TRMT10B: variants seen among roughly 807,000 people sequenced by gnomAD.
The protein encoded by TRMT10B is tRNA methyltransferase 10B.
TRMT10B carries 33 observed loss-of-function variants against 43.8 expected under a neutral mutation model. The observed-to-expected ratio is 0.75, with a 90% CI of 0.57 to 1.01. TRMT10B has a LOEUF of 1.01. Among genes scored for constraint, TRMT10B ranks in the 50% least tolerant of loss-of-function variants. The probability of loss-of-function intolerance (pLI) is 0.00; values close to 1 mark genes in which losing one functional copy is unlikely to be tolerated. For missense variants in TRMT10B, 362 were observed against 369.8 expected (o/e 0.98, Z 0.17); for synonymous variants, 137 against 130.6 (o/e 1.05, Z -0.34).
At chr9:37,753,784 G>A (rs963562725), upstream of TRMT10B, 2 of 152,330 alleles carry the variant, frequency 1.3e-5, no homozygotes, top group African/African-American at 4.8e-5. Flanking sequence ...GTTACGAAGC[G>A]GAAGCGAGGC....
intron 1 of TRMT10B, among the ~76,000 whole-genome samples, chr9:37,761,610 A>G (rs1043530857): frequency 4.6e-5 from 7 of 152,198 alleles, no homozygotes; most frequent in Non-Finnish European, 1.0e-4. Context: ...AGGCAGAAGA[A>G]TCACTGGAAT....
intron 6 of TRMT10B, 23 bp downstream of exon 6, chr9:37,770,042 T>A: frequency 6.3e-7 from 1 of 1,584,252 alleles, no homozygotes. Context: ...ATGCATGGAT[T>A]CGTATAGCCC....
chr9:37,767,514 A>AAAC (rs1827113716), intron 4 of TRMT10B: 1 of 95,782 alleles, frequency 1.0e-5, no homozygotes, highest in African/African-American at 4.0e-5. Context: ...CCCTGTCTCC[A>AAAC]AAAAAAAAAA....
At chr9:37,758,133 C>T (rs1229739212) in intron 1 of TRMT10B, among the ~76,000 whole-genome samples, 2 of 152,190 alleles carry the variant, frequency 1.3e-5, no homozygotes, top group East Asian at 1.9e-4. Flanking sequence ...CAGTTTACAG[C>T]TGGTGCAGTG....
At chr9:37,771,168 T>G (rs577528466) in intron 7 of TRMT10B, among the ~76,000 whole-genome samples, 9 of 152,334 alleles carry the variant, frequency 5.9e-5, no homozygotes, top group African/African-American at 1.9e-4. Flanking sequence ...GTTGGAGTTT[T>G]AGAGGAATAA....
intron 1 of TRMT10B, among the ~76,000 whole-genome samples, chr9:37,755,232 C>T (rs918910954): frequency 1.3e-5 from 2 of 150,402 alleles, no homozygotes; most frequent in African/African-American, 2.4e-5. Flanking sequence ...GATCGCGCCA[C>T]TGCACTCCAG....
chr9:37,777,718 A>T lies in TRMT10B; in HGVS notation c.*11A>T, dbSNP rs184125230. 1 of 1,610,622 alleles carries T rather than the reference A, an allele frequency of 6.2e-7. No homozygotes were observed. The highest frequency in any genetic ancestry group is 2.2e-5 in the East Asian group (1 of 44,848). ...AACTCAGTGGAATGATGGGCCTAAG[A>T]TTGCAGCTGCGTGGCCAGGTGCTCA... On this transcript the variant is annotated 3_prime_UTR_variant, in exon 9 of 9. Transcript: ENST00000297994.
rs188236639 is a variant in TRMT10B, at chr9:37,756,771, T to G, written c.-30+2919T>G. Among the ~76,000 whole-genome samples, 491 of 151,610 alleles carry G rather than the reference T, an allele frequency of 3.2e-3. 2 individuals are homozygous for G. Among genetic ancestry groups the G allele is most frequent in the African/African-American group, 0.012 (479 of 41,424 alleles). Reference sequence around the variant, plus strand: ...ACACACACATATATATATACACATATATACATATGTGTATACATACATGTG... The same window carrying G: ...ACACACACATATATATATACACATAGATACATATGTGTATACATACATGTG... On this transcript the variant is annotated intron_variant, in intron 1 of 8. Coordinates refer to ENST00000297994, the MANE Select transcript of TRMT10B (RefSeq NM_144964.4).
At chr9:37,775,734 C>T (rs1190525961) in intron 7 of TRMT10B, among the ~76,000 whole-genome samples, 2 of 152,090 alleles carry the variant, frequency 1.3e-5, no homozygotes, top group Non-Finnish European at 2.9e-5. Flanking sequence ...ACAGGATCTC[C>T]CTATGTTGCT....
rs922459518 is a variant in TRMT10B, at chr9:37,762,818, G to C, written c.295+133G>C. 4 of 1,188,716 alleles carry C rather than the reference G, an allele frequency of 3.4e-6. No homozygotes were observed. In the African/African-American group the frequency reaches 6.3e-5, roughly 19 times the overall value. The allele number at this position is 1,188,716 out of a possible 1,614,324, so 73.6% of individuals were successfully genotyped here. A position where few individuals can be genotyped will look rare whatever the true frequency, so the allele number is the denominator to read the frequency against. Reference sequence around the variant, plus strand: ...GTGGGACCCACTGCCCTATTTTCTTGGGAATCAAAACATCAAAGAAAGCAA... The same window carrying C: ...GTGGGACCCACTGCCCTATTTTCTTCGGAATCAAAACATCAAAGAAAGCAA... On this transcript the variant is annotated intron_variant, in intron 3 of 8. Coordinates refer to ENST00000297994, the MANE Select transcript of TRMT10B (RefSeq NM_144964.4).
Position 37,762,062 on chromosome 9 carries a change from A to C in TRMT10B, c.131A>C (p.Glu44Ala). Reference sequence around the variant, plus strand: ...TTCCAGCTTCTGCAGATCGATGCGGAAGGCGAGTGCCAGGAGGGAGAGATC... The same window carrying C: ...TTCCAGCTTCTGCAGATCGATGCGGCAGGCGAGTGCCAGGAGGGAGAGATC... ...EGFQLLQIDA[E>A]GECQEGEILA... is the part of the protein sequence containing the mutation. Residue 44 changes from glutamate to alanine, a missense_variant, in exon 2 of 9, where the codon GAA becomes GCA. Glu to Ala is a moderately radical substitution (Grantham distance 107). Transcript: ENST00000297994. 6.2e-7 allele frequency: 1 copy of C among 1,614,104 alleles called. No individual in the cohort carries two copies. Among genetic ancestry groups the C allele is most frequent in the Non-Finnish European group, 8.5e-7 (1 of 1,180,016 alleles).
At chr9:37,772,311 G>A (rs1827677026) in intron 7 of TRMT10B, among the ~76,000 whole-genome samples, 1 of 151,656 alleles carries the variant, frequency 6.6e-6, no homozygotes, top group Admixed American at 6.6e-5. Flanking sequence ...ACTGTGCCTG[G>A]CCTAGTTCTT....
At position 37,777,781 on chromosome 9, in the gene TRMT10B, A is replaced by C. The variant is rs1828347037; in HGVS notation, c.*74A>C. On this transcript the variant is annotated 3_prime_UTR_variant, in exon 9 of 9. Transcript: ENST00000297994. ...AACACTTTGGTAGACCGAAGTGGGC[A>C]GATCACCTGAGGTCAGGAGTTCACG... 2 of 1,199,876 alleles carry C rather than the reference A, an allele frequency of 1.7e-6. No individual in the cohort carries two copies. Among genetic ancestry groups the C allele is most frequent in the South Asian group, 2.5e-5 (2 of 80,612 alleles). 74.3% of individuals were successfully genotyped at this position (1,199,876 alleles called of 1,614,324 possible).
chr9:37,765,344 C>T (rs868640931), intron 4 of TRMT10B, among the ~76,000 whole-genome samples: 10 of 152,046 alleles, frequency 6.6e-5, no homozygotes, highest in South Asian at 2.1e-4. Flanking sequence ...TGAGAACATA[C>T]GGTGTTTGGT....
Position 37,770,720 on chromosome 9 carries a change from T to C in TRMT10B, c.701T>C (p.Val234Ala), listed in dbSNP as rs36023446. Residue 234 changes from valine to alanine, a missense_variant, in exon 7 of 9, where the codon GTG (valine) becomes GCG (alanine). By Grantham distance (64) the Val-to-Ala change is moderately conservative (BLOSUM62 0). Coordinates refer to ENST00000297994, the MANE Select transcript of TRMT10B (RefSeq NM_144964.4). ...LNKVYILGGL[V>A]DESIQKKVTF... The stretch of plus-strand genomic sequence containing the variant: ...AAAGTTTACATCCTCGGTGGGCTTG[T>C]GGATGAAAGCATTCAGAAGGTAAGT... 1.9e-6 allele frequency: 3 copies of C among 1,614,026 alleles called. No homozygotes were observed. The highest frequency in any genetic ancestry group is 1.7e-6 in the Non-Finnish European group (2 of 1,180,024).
At chr9:37,756,095 C>T (rs1027408885) in intron 1 of TRMT10B, among the ~76,000 whole-genome samples, 1 of 152,132 alleles carries the variant, frequency 6.6e-6, no homozygotes, top group South Asian at 2.1e-4. Context: ...CAACAGGCCC[C>T]GGCATACAGT....
chr9:37,776,598 T>C (rs970472504), intron 8 of TRMT10B, among the ~76,000 whole-genome samples, 193 bp downstream of exon 8: 9 of 152,308 alleles, frequency 5.9e-5, no homozygotes. Context: ...TTAAAGATAG[T>C]TGAAATTGTC....
chr9:37,753,495 A>AT (rs1009635131), upstream of TRMT10B, among the ~76,000 whole-genome samples: 2 of 150,008 alleles, frequency 1.3e-5, no homozygotes, highest in Admixed American at 6.7e-5. Flanking sequence ...GGGCCTTAGA[A>AT]TTTTTTTGCT....
rs145193327 is a variant in TRMT10B, at chr9:37,763,808, G to C, written c.420+55G>C. ...GCTCGCCATGAGGGAGGCCCAGAAGGGTACAGCTTTCCGAAGAATATGGTC... is the reference window on the plus strand; with the variant it reads ...GCTCGCCATGAGGGAGGCCCAGAAGCGTACAGCTTTCCGAAGAATATGGTC... On this transcript the variant is annotated intron_variant, in intron 4 of 8. Coordinates refer to ENST00000297994, the MANE Select transcript of TRMT10B (RefSeq NM_144964.4). 5.2e-4 allele frequency: 841 copies of C among 1,611,804 alleles called. 1 individual carries two copies. Among genetic ancestry groups the C allele is most frequent in the Non-Finnish European group, 6.5e-4 (771 of 1,178,846 alleles).
Sources: gnomAD v4.1 joint callset for allele counts (sites outside exome capture counted in the v4.1 genomes callset) on GRCh38, gnomAD v4.1.1 for gene constraint, MANE v1.5 for transcripts, NCBI Gene and HGNC (gene_info 2026-07-23, HGNC 2026-07-21) for gene names.